Variants in LRRTM4 observed in about 807,000 individuals in gnomAD.
LRRTM4 encodes the protein leucine rich repeat transmembrane neuronal 4, also known as leucine-rich repeat transmembrane neuronal protein 4.
A neutral mutation model predicts 47.6 loss-of-function variants in LRRTM4; 25 were observed. The observed-to-expected ratio is 0.53, with a 90% confidence interval of 0.38 to 0.73. LRRTM4 has a LOEUF of 0.73. Among genes scored for constraint, LRRTM4 ranks in the 30% least tolerant of loss-of-function variants. The pLI is 0.00. For missense variants in LRRTM4, 638 were observed against 713.4 expected, an observed-to-expected ratio of 0.89 and a Z score of 1.20; for synonymous variants, 311 against 269.5, an observed-to-expected ratio of 1.15 and a Z score of -1.51.
intron 3 of LRRTM4, among the ~76,000 whole-genome samples, chr2:77,189,500 A>G (rs1206306376): frequency 6.6e-6 from 1 of 152,170 alleles, no homozygotes; most frequent in Non-Finnish European, 1.5e-5. Flanking sequence ...TGGAGCCCTT[A>G]TGAGTGGGAT....
intron 3 of LRRTM4, among the ~76,000 whole-genome samples, chr2:77,075,603 A>T (rs919324592): frequency 2.0e-5 from 3 of 152,114 alleles, no homozygotes; most frequent in African/African-American, 7.2e-5. Context: ...TCAAAATTTA[A>T]AATTAATTTT....
chr2:77,478,438 C>A (rs886294426), intron 3 of LRRTM4, among the ~76,000 whole-genome samples: 1 of 152,124 alleles, frequency 6.6e-6, no homozygotes, highest in Non-Finnish European at 1.5e-5. Context: ...CATAGACTAC[C>A]TAGAAAACTT....
chr2:77,267,741 T>C (rs1411370226), intron 3 of LRRTM4, among the ~76,000 whole-genome samples: 1 of 143,314 alleles, frequency 7.0e-6, no homozygotes, highest in East Asian at 2.4e-4. Flanking sequence ...AAAAATATCC[T>C]AGTTTGGACT....
intron 3 of LRRTM4, among the ~76,000 whole-genome samples, chr2:77,388,551 T>A (rs766937896): frequency 2.6e-5 from 4 of 152,304 alleles, no homozygotes; most frequent in African/African-American, 9.6e-5. Flanking sequence ...TTGAAATTTA[T>A]AATTTTTTTT....
At chr2:76,751,967 A>C (rs1672865080) in intron 3 of LRRTM4, among the ~76,000 whole-genome samples, 1 of 152,192 alleles carries the variant, frequency 6.6e-6, no homozygotes, top group Non-Finnish European at 1.5e-5. Context: ...CTGATTATAG[A>C]ACATTTATTC....
intron 3 of LRRTM4, among the ~76,000 whole-genome samples, chr2:76,856,047 T>C (rs756643429): frequency 2.6e-4 from 40 of 152,206 alleles, no homozygotes; most frequent in Non-Finnish European, 1.0e-4. Flanking sequence ...GAAGCCAAGG[T>C]GGGCGGATTA....
At chr2:77,187,062 C>T (rs1673527812) in intron 3 of LRRTM4, among the ~76,000 whole-genome samples, 1 of 152,158 alleles carries the variant, frequency 6.6e-6, no homozygotes, top group South Asian at 2.1e-4. Context: ...ATTTACTGCA[C>T]ATGCACCCAT....
intron 3 of LRRTM4, among the ~76,000 whole-genome samples, chr2:77,289,399 A>G (rs1676758268): frequency 6.6e-6 from 1 of 152,064 alleles, no homozygotes. Flanking sequence ...CTACATGTTT[A>G]TACTTGAATT....
At chr2:77,126,208 GTTTA>G (rs1671649460) in intron 3 of LRRTM4, among the ~76,000 whole-genome samples, 1 of 151,614 alleles carries the variant, frequency 6.6e-6, no homozygotes, top group Non-Finnish European at 1.5e-5. Flanking sequence ...CTTGATTATT[GTTTA>G]TTTAAAACTT....
At chr2:77,348,175 T>A (rs1463214427) in intron 3 of LRRTM4, among the ~76,000 whole-genome samples, 1 of 151,978 alleles carries the variant, frequency 6.6e-6, no homozygotes, top group African/African-American at 2.4e-5. Flanking sequence ...TTTTGACCTG[T>A]ATGCTCATTT....
At chr2:77,133,613 TA>T (rs11301536) in intron 3 of LRRTM4, among the ~76,000 whole-genome samples, 54,371 of 151,946 alleles carry the variant, frequency 0.36, 10,816 homozygotes, top group African/African-American at 0.53. Flanking sequence ...ATCACAGGCT[TA>T]AAAAAATCAG....
intron 3 of LRRTM4, among the ~76,000 whole-genome samples, chr2:76,840,201 A>C (rs758017463): frequency 5.3e-5 from 8 of 152,224 alleles, no homozygotes; most frequent in Non-Finnish European, 8.8e-5. Context: ...AGTGAAATGC[A>C]TAATGATCAA....
intron 3 of LRRTM4, among the ~76,000 whole-genome samples, chr2:76,776,889 T>TA (rs1339237046): frequency 4.2e-5 from 6 of 143,912 alleles, no homozygotes; most frequent in Non-Finnish European, 7.6e-5. Flanking sequence ...TTTATGGTTT[T>TA]AGGTCTAATG....
chr2:77,066,692 T>C (rs1380252080), intron 3 of LRRTM4, among the ~76,000 whole-genome samples: 4 of 152,204 alleles, frequency 2.6e-5, no homozygotes, highest in African/African-American at 9.6e-5. Context: ...TATGTAGGCA[T>C]ATACATGCAT....
chr2:76,966,831 C>A (rs1435697573), intron 3 of LRRTM4, among the ~76,000 whole-genome samples: 1 of 151,418 alleles, frequency 6.6e-6, no homozygotes, highest in Non-Finnish European at 1.5e-5. Context: ...TAATAACATT[C>A]TCTGTGGATT....
At chr2:77,374,665 G>A (rs1672767161) in intron 3 of LRRTM4, among the ~76,000 whole-genome samples, 1 of 151,698 alleles carries the variant, frequency 6.6e-6, no homozygotes, top group African/African-American at 2.4e-5. Context: ...TAAATTTATT[G>A]GTAAAAGTTT....
intron 3 of LRRTM4, among the ~76,000 whole-genome samples, chr2:77,005,672 C>G (rs1046122376): frequency 6.6e-6 from 1 of 152,120 alleles, no homozygotes; most frequent in Non-Finnish European, 1.5e-5. Flanking sequence ...AAAGGGAGTT[C>G]CCCTGCACAT....
At chr2:76,843,169 G>C (rs537199788) in intron 3 of LRRTM4, among the ~76,000 whole-genome samples, 1 of 152,226 alleles carries the variant, frequency 6.6e-6, no homozygotes, top group South Asian at 2.1e-4. Context: ...TGAGTGAGGA[G>C]AAGTAGAGAA....
At chr2:77,320,422 A>C (rs1472135036) in intron 3 of LRRTM4, among the ~76,000 whole-genome samples, 1 of 152,246 alleles carries the variant, frequency 6.6e-6, no homozygotes, top group Non-Finnish European at 1.5e-5. Flanking sequence ...TGGATATTAC[A>C]ATATGGCTTT....
Sources: gnomAD v4.1 joint callset for allele counts (sites outside exome capture counted in the v4.1 genomes callset) on GRCh38, gnomAD v4.1.1 for gene constraint, MANE v1.5 for transcripts, NCBI Gene and HGNC (gene_info 2026-07-23, HGNC 2026-07-21) for gene names.